Variants in RNF130 observed in about 807,000 individuals in gnomAD.
The protein encoded by RNF130 is E3 ubiquitin-protein ligase RNF130.
Under a neutral mutation model 44.6 loss-of-function variants are expected in RNF130, and 21 were observed. The ratio of observed to expected loss-of-function variants is 0.47; its 90% CI spans 0.33 to 0.68. The LOEUF is 0.68. Ranked by LOEUF, RNF130 falls within the 30% of genes least tolerant of loss-of-function variation. The pLI, the probability that RNF130 is intolerant of heterozygous loss-of-function variation, is 0.02. For synonymous variants in RNF130, 214 were observed against 210.4 expected, an observed-to-expected ratio of 1.02 and a Z score of -0.15; for missense variants, 479 against 560.6, an observed-to-expected ratio of 0.85 and a Z score of 1.47.
intron 2 of RNF130, among the ~76,000 whole-genome samples, chr5:180,022,938 G>T (rs919241870): frequency 3.3e-5 from 5 of 152,224 alleles, no homozygotes; most frequent in Non-Finnish European, 7.3e-5. Flanking sequence ...GATTCAGGTT[G>T]GGAGGAAAGT....
chr5:180,066,507 G>A (rs1765110257), intron 1 of RNF130, among the ~76,000 whole-genome samples: 1 of 152,146 alleles, frequency 6.6e-6, no homozygotes, highest in Non-Finnish European at 1.5e-5. Context: ...TGTCCCTCAT[G>A]GGTATAGTCT....
chr5:179,972,512 C>T (rs1341643643), intron 5 of RNF130, among the ~76,000 whole-genome samples: 1 of 151,960 alleles, frequency 6.6e-6, no homozygotes, highest in East Asian at 1.9e-4. Flanking sequence ...GAATGGGAGG[C>T]ATCCCGCTGG....
chr5:179,962,457 T>A (rs1158737799), intron 8 of RNF130, among the ~76,000 whole-genome samples: 2 of 152,150 alleles, frequency 1.3e-5, no homozygotes, highest in African/African-American at 2.4e-5. Flanking sequence ...AATTAAAGTA[T>A]CAGGACGTAA....
rs761547874 is a variant in RNF130 at position 180,051,403 on chromosome 5, T to C, written c.248-10756A>G. 2.3e-3 allele frequency among the ~76,000 whole-genome samples: 353 copies of C among 152,048 alleles called. 2 individuals are homozygous for C. Among genetic ancestry groups the C allele is most frequent in the Non-Finnish European group, 3.8e-3 (260 of 67,936 alleles). ...TAGCTGGGACTACAGGTGCCCGCCA[T>C]CACACCTGGCTAATTTTTTGTATTT... On this transcript the variant is annotated intron_variant, in intron 1 of 8. Coordinates refer to ENST00000521389, the MANE Select transcript of RNF130 (RefSeq NM_018434.6).
rs540520744 is a variant in RNF130, at chr5:179,992,773, G to A, written c.694-12573C>T. On this transcript the variant is annotated intron_variant, in intron 3 of 8. Transcript: ENST00000521389. ...AAGTTCTAGGGTACATGTGCACAACGTGCAGGTTTGTTACATATGTATACA... is the reference window on the plus strand; with the variant it reads ...AAGTTCTAGGGTACATGTGCACAACATGCAGGTTTGTTACATATGTATACA... 5.3e-5 allele frequency among the ~76,000 whole-genome samples: 8 copies of A among 152,102 alleles called. No individual in the cohort carries two copies. The East Asian group carries it at 9.7e-4, about 18-fold the overall frequency.
At chr5:180,045,060 G>A (rs1452194776) in intron 1 of RNF130, among the ~76,000 whole-genome samples, 1 of 152,138 alleles carries the variant, frequency 6.6e-6, no homozygotes, top group African/African-American at 2.4e-5. Flanking sequence ...AAAACACAGA[G>A]CAAAGACTAA....
intron 3 of RNF130, among the ~76,000 whole-genome samples, chr5:180,007,325 G>A (rs757283554): frequency 5.3e-5 from 8 of 152,110 alleles, no homozygotes; most frequent in East Asian, 1.9e-4. Flanking sequence ...TGCTTAAGCC[G>A]AGGAGGCAGA....
intron 7 of RNF130, among the ~76,000 whole-genome samples, chr5:179,965,052 T>C (rs1762410095): frequency 6.6e-6 from 1 of 152,230 alleles, no homozygotes; most frequent in Admixed American, 6.5e-5. Context: ...GACTTTTATA[T>C]ATGATATGCA....
At chr5:179,951,383 G>GT (rs1177960079), downstream of RNF130, among the ~76,000 whole-genome samples, 25 of 98,962 alleles carry the variant, frequency 2.5e-4, no homozygotes, top group South Asian at 7.1e-4. Context: ...AGCAGAATAG[G>GT]TTTTTGTTTT....
intron 7 of RNF130, among the ~76,000 whole-genome samples, chr5:179,944,248 C>T (rs1217165832): frequency 1.3e-5 from 2 of 152,096 alleles, no homozygotes; most frequent in Non-Finnish European, 2.9e-5. Flanking sequence ...GGATTACAGG[C>T]GTGAGCCACC....
At position 180,009,167 on chromosome 5, in the gene RNF130, T is replaced by A. The variant is rs557625335; in HGVS notation, c.693+3894A>T. Among the ~76,000 whole-genome samples, 6 of 152,252 alleles carry A rather than the reference T, an allele frequency of 3.9e-5. No individual in the cohort carries two copies. The South Asian group carries it at 1.2e-3, about 32-fold the overall frequency. On this transcript the variant is annotated intron_variant, in intron 3 of 8. Coordinates refer to ENST00000521389, the MANE Select transcript of RNF130 (RefSeq NM_018434.6). Reference sequence around the variant, plus strand: ...AATATAAAACTTCCAGGAAAAATAGTAGAAAATCTTTGGGATATCTAGGGA... The same window carrying A: ...AATATAAAACTTCCAGGAAAAATAGAAGAAAATCTTTGGGATATCTAGGGA...
At chr5:180,055,909 C>A (rs1764808280) in intron 1 of RNF130, among the ~76,000 whole-genome samples, 1 of 151,928 alleles carries the variant, frequency 6.6e-6, no homozygotes, top group African/African-American at 2.4e-5. Context: ...CAGGGTGAAA[C>A]CCTGTCTCTA....
chr5:179,934,206 A>G (rs457610), intron 7 of RNF130: 66,889 of 167,342 alleles, frequency 0.4, 14,456 homozygotes, highest in East Asian at 0.63. Context: ...GCCTGGCGGC[A>G]TGGAAAGGTG....
chr5:179,996,286 G>T (rs909498640), intron 3 of RNF130, among the ~76,000 whole-genome samples: 1 of 152,194 alleles, frequency 6.6e-6, no homozygotes, highest in Non-Finnish European at 1.5e-5. Flanking sequence ...ACACAGAACT[G>T]ATTTCTGTAT....
intron 7 of RNF130, among the ~76,000 whole-genome samples, chr5:179,935,585 C>A (rs1315987990): frequency 1.3e-5 from 2 of 151,946 alleles, no homozygotes; most frequent in African/African-American, 4.8e-5. Flanking sequence ...CTATTCATTA[C>A]TAACATGTTG....
chr5:179,942,727 C>T (rs1012667967), intron 7 of RNF130, among the ~76,000 whole-genome samples: 4 of 152,150 alleles, frequency 2.6e-5, no homozygotes, highest in African/African-American at 9.7e-5. Context: ...TTTGTGAAGT[C>T]CCTTTCTGAG....
chr5:179,926,051 G>A (rs1239683788), intron 7 of RNF130, among the ~76,000 whole-genome samples: 2 of 152,152 alleles, frequency 1.3e-5, no homozygotes, highest in Non-Finnish European at 2.9e-5. Flanking sequence ...CTACCCATAC[G>A]ATAAGGTAAA....
intron 1 of RNF130, among the ~76,000 whole-genome samples, chr5:180,067,507 T>G (rs2113194440): frequency 6.6e-6 from 1 of 152,242 alleles, no homozygotes; most frequent in African/African-American, 2.4e-5. Flanking sequence ...GGACAGGGAT[T>G]TGGTGGAGAG....
At chr5:179,923,648 G>A (rs576312982) in intron 7 of RNF130, among the ~76,000 whole-genome samples, 1 of 152,244 alleles carries the variant, frequency 6.6e-6, no homozygotes, top group South Asian at 2.1e-4. Context: ...CCATCCAGCT[G>A]GTTCTGTACC....
Sources: gnomAD v4.1 joint callset for allele counts (sites outside exome capture counted in the v4.1 genomes callset) on GRCh38, gnomAD v4.1.1 for gene constraint, MANE v1.5 for transcripts, NCBI Gene and HGNC (gene_info 2026-07-23, HGNC 2026-07-21) for gene names.